Variants in NCAPD3 observed in about 807,000 individuals in gnomAD.
NCAPD3 encodes non-SMC condensin II complex subunit D3, also known as condensin-2 complex subunit D3.
NCAPD3 carries 105 observed loss-of-function variants against 182.9 expected under a neutral mutation model. That is an observed-to-expected ratio of 0.57 (90% CI 0.49 to 0.68). The LOEUF is 0.68. NCAPD3 is among the 30% of genes least tolerant of loss of function. The pLI is 0.00. For synonymous variants in NCAPD3, 815 were observed against 679.9 expected (o/e 1.20, Z -3.09); for missense variants, 1,944 against 1,837.0 (o/e 1.06, Z -1.07).
intron 1 of NCAPD3, among the ~76,000 whole-genome samples, chr11:134,222,564 C>T (rs1237680890): frequency 6.6e-6 from 1 of 152,166 alleles, no homozygotes; most frequent in Admixed American, 6.5e-5. Flanking sequence ...TAACAATGTG[C>T]TAGCCACATA....
chr11:134,205,711 C>T (rs1937598887), intron 8 of NCAPD3, among the ~76,000 whole-genome samples: 1 of 152,162 alleles, frequency 6.6e-6, no homozygotes, highest in Non-Finnish European at 1.5e-5. Context: ...CAGACTTGAT[C>T]CATTTTTAGT....
At chr11:134,224,898 G>C (rs1006076585), upstream of NCAPD3, 1 of 192,720 alleles carries the variant, frequency 5.2e-6, no homozygotes, top group Non-Finnish European at 1.0e-5. Flanking sequence ...ATTGCTGCTC[G>C]GGCGCCGCAG....
rs765781748 is a variant in NCAPD3 at position 134,161,802 on chromosome 11, C to T, written c.3663G>A (p.Arg1221=). The T allele has an allele frequency of 3.8e-6, 6 of 1,579,800 alleles. No individual in the cohort carries two copies. The African/African-American group carries it at 4.1e-5, about 11-fold the overall frequency. ...TTACCCTGAGATAGTGCATGAGTTCCCGCAAAGCTGGGATCTTATTTTTCT... is the reference window on the plus strand; with the variant it reads ...TTACCCTGAGATAGTGCATGAGTTCTCGCAAAGCTGGGATCTTATTTTTCT... The part of the protein sequence containing the change: ...VLEKNKIPAL[R]ELMHYLREVM... The change falls in exon 28 of 35, where the codon CGG becomes CGA. Residue 1221 remains arginine, a synonymous_variant. Coordinates refer to ENST00000534548, the MANE Select transcript of NCAPD3 (RefSeq NM_015261.3).
Position 134,204,206 on chromosome 11 carries a change from T to C in NCAPD3, c.1090-35A>G. The C allele has an allele frequency of 1.2e-6, 2 of 1,606,802 alleles. No homozygotes were observed. Among genetic ancestry groups the C allele is most frequent in the Non-Finnish European group, 1.7e-6 (2 of 1,175,788 alleles). The stretch of plus-strand genomic sequence containing the variant: ...AAAAAGAGAAGTTGACCAACCAATA[T>C]CCACCCGCAGGATGGCTGAAACATA... On this transcript the variant is annotated intron_variant, in intron 9 of 34. Coordinates refer to ENST00000534548, the MANE Select transcript of NCAPD3 (RefSeq NM_015261.3). This position sits in a 1 kb window ranked among gnomAD's most constrained non-coding sequence, Gnocchi z 4.3.
At chr11:134,183,907 A>G (rs773539169) in intron 19 of NCAPD3, among the ~76,000 whole-genome samples, 1 of 152,232 alleles carries the variant, frequency 6.6e-6, no homozygotes, top group Middle Eastern at 3.2e-3. Flanking sequence ...ACTTAAATAT[A>G]TCCCAGCAAT....
intron 27 of NCAPD3, among the ~76,000 whole-genome samples, chr11:134,166,910 C>T (rs1186596359): frequency 1.2e-4 from 13 of 111,632 alleles, no homozygotes; most frequent in Admixed American, 3.7e-4. Flanking sequence ...TTGGGGGAGG[C>T]GCACACTCGT....
rs1591831311 is a variant in NCAPD3, at chr11:134,169,104, C to A, written c.3102-50G>T. ...GGGAGACCCATTTGCTATGTACCAA[C>A]AGTCTCTGAATACACCAAGAACTCT... On this transcript the variant is annotated intron_variant, in intron 24 of 34. Coordinates refer to ENST00000534548, the MANE Select transcript of NCAPD3 (RefSeq NM_015261.3). 2.5e-6 allele frequency: 4 copies of A among 1,578,822 alleles called. No individual in the cohort carries two copies. In the African/African-American group the frequency reaches 4.0e-5, roughly 16 times the overall value.
chr11:134,177,615 C>T (rs1261294722), intron 22 of NCAPD3, 158 bp from the exon 23 acceptor site: 1 of 634,008 alleles, frequency 1.6e-6, no homozygotes, highest in Non-Finnish European at 2.7e-6. Flanking sequence ...GCAGACAGAC[C>T]CATCTTGAAT....
At chr11:134,188,712 G>A (rs531599880) in intron 16 of NCAPD3, among the ~76,000 whole-genome samples, 12 of 152,042 alleles carry the variant, frequency 7.9e-5, no homozygotes, top group East Asian at 1.9e-4. Context: ...AGGCACATCC[G>A]AACATCTGAA....
chr11:134,217,226 A>C (rs1938061301), intron 2 of NCAPD3, 128 bp from the exon 3 acceptor site: 1 of 716,682 alleles, frequency 1.4e-6, no homozygotes, highest in Non-Finnish European at 2.0e-6. Context: ...CCTACTGCTA[A>C]ATGTTTACCA....
At chr11:134,177,887 C>CTTTCTTTT (rs1434744145) in intron 22 of NCAPD3, 1 of 153,888 alleles carries the variant, frequency 6.5e-6, no homozygotes, top group African/African-American at 2.4e-5. Context: ...TGTCCCCTTT[C>CTTTCTTTT]TTTCTTTCTT....
At position 134,166,074 on chromosome 11, in the gene NCAPD3, CACTT is replaced by C. The variant is rs1230992124; in HGVS notation, c.3573+1918_3573+1921del. Among the ~76,000 whole-genome samples the C allele has an allele frequency of 6.1e-3, 375 of 61,768 alleles. 7 individuals are homozygous for C. The highest frequency in any genetic ancestry group is 0.026 in the African/African-American group (344 of 13,258). 40.5% of individuals were successfully genotyped at this position (61,768 alleles called of 152,430 possible). ...GATGAGCTTGGGGGAGCAGCACACT[CACTT>C]GTGAGATGAGCTTGGGGGAGGGGCA... On this transcript the variant is annotated intron_variant, in intron 27 of 34. Coordinates refer to ENST00000534548, the MANE Select transcript of NCAPD3 (RefSeq NM_015261.3).
chr11:134,180,895 T>A (rs902330149), intron 20 of NCAPD3, among the ~76,000 whole-genome samples, 182 bp downstream of exon 20: 1 of 152,078 alleles, frequency 6.6e-6, no homozygotes, highest in African/African-American at 2.4e-5. Flanking sequence ...ATAAAAAGTA[T>A]ATAAGAAAAA....
chr11:134,156,932 AAGG>A (rs1286072407), intron 32 of NCAPD3, 83 bp downstream of exon 32: 3 of 1,189,242 alleles, frequency 2.5e-6, no homozygotes, highest in African/African-American at 3.0e-5. Context: ...CCTGCACCGG[AAGG>A]AGTTTTACTG....
chr11:134,221,741 A>G (rs894689841), intron 1 of NCAPD3, among the ~76,000 whole-genome samples: 9 of 152,234 alleles, frequency 5.9e-5, no homozygotes, highest in African/African-American at 1.7e-4. Context: ...AGATGGGAGC[A>G]TTACACTGCA....
In NCAPD3 at chr11:134,203,751, C is replaced by T. The variant is rs773668515; in HGVS notation, c.1371G>A (p.Ala457=). The change falls in exon 11 of 35, where the codon GCG becomes GCA. Residue 457 remains alanine, a synonymous_variant. Transcript: ENST00000534548. ...ACAGTGCCTTGCTGCGGACAGTAGG[C>T]GCCTTGTCTAAGCAACGATCAAACA... ...EIMFDRCLDK[A]PTVRSKALSS... is the part of the protein sequence containing the mutation. The T allele has an allele frequency of 8.1e-6, 13 of 1,614,112 alleles. No homozygotes were observed. The highest frequency in any genetic ancestry group is 1.0e-5 in the Non-Finnish European group (12 of 1,180,022).
At chr11:134,153,613 G>T in intron 32 of NCAPD3, 1 of 548,446 alleles carries the variant, frequency 1.8e-6, no homozygotes. Context: ...GGGCCTCACT[G>T]TTCACGCCTC....
At position 134,168,111 on chromosome 11, in the gene NCAPD3, T is replaced by C. The variant is rs1350194762; in HGVS notation, c.3458A>G (p.Glu1153Gly). The change falls in exon 27 of 35, where the codon GAG (glutamate) becomes GGG (glycine). Residue 1153 changes from glutamate (E) to glycine (G), a missense_variant. Physicochemically the swap from Glu to Gly is moderately conservative, Grantham distance 98. Coordinates refer to ENST00000534548, the MANE Select transcript of NCAPD3 (RefSeq NM_015261.3). ...AGATCTCATTGCCAAAAGCTTGATC[T>C]CCTTTGAGCTGAGGACCTCAAACGT... ...SDTFEVLSSKEIKLLAMRSKP... is the reference protein window; with the variant it reads ...SDTFEVLSSKGIKLLAMRSKP... 11 of 1,614,020 alleles carry C rather than the reference T, an allele frequency of 6.8e-6. No homozygotes were observed. The highest frequency in any genetic ancestry group is 1.7e-5 in the Admixed American group (1 of 59,988).
intron 32 of NCAPD3, 43 bp from the exon 33 acceptor site, chr11:134,153,406 T>G: frequency 6.3e-7 from 1 of 1,592,094 alleles, no homozygotes; most frequent in Non-Finnish European, 8.6e-7. Context: ...CCGCGTGGTC[T>G]ATCGGAGGTC....
Sources: allele counts gnomAD v4.1 joint callset (sites outside exome capture counted in the v4.1 genomes callset), GRCh38; gene constraint gnomAD v4.1.1; non-coding constraint Gnocchi (gnomAD v3.1); transcripts MANE v1.5; gene names NCBI Gene and HGNC (gene_info 2026-07-23, HGNC 2026-07-21).